PTPRG: variants seen among roughly 807,000 people sequenced by gnomAD.
PTPRG encodes the protein protein tyrosine phosphatase receptor type G, also known as receptor-type tyrosine-protein phosphatase gamma.
A neutral mutation model predicts 165.3 loss-of-function variants in PTPRG; 102 were observed. That is an observed-to-expected ratio of 0.62 (90% CI 0.53 to 0.73). The LOEUF (loss-of-function observed/expected upper bound fraction) is 0.73, where lower values mean the gene tolerates loss of function less well. PTPRG is among the 30% of genes least tolerant of loss of function. The pLI, the probability that PTPRG is intolerant of heterozygous loss-of-function variation, is 0.00. For synonymous variants in PTPRG, 675 were observed against 669.5 expected (o/e 1.01, Z -0.13); for missense variants, 1,866 against 1,861.4 (o/e 1.00, Z -0.05).
chr3:62,281,660 C>G lies in PTPRG; in HGVS notation c.3863C>G (p.Ser1288Cys). Reference protein sequence around the residue: ...TLISKDRLCLSNEEQIIIHDF... With the variant: ...TLISKDRLCLCNEEQIIIHDF... Reference sequence around the variant, plus strand: ...ATCAGCAAAGACAGACTGTGCCTCTCTAATGAAGAACAAATTATCATCCAT... The same window carrying G: ...ATCAGCAAAGACAGACTGTGCCTCTGTAATGAAGAACAAATTATCATCCAT... The change falls in exon 27 of 30, where the codon TCT becomes TGT. Residue 1288 changes from serine to cysteine, a missense_variant. Coordinates refer to ENST00000474889, the MANE Select transcript of PTPRG (RefSeq NM_002841.4). The G allele has an allele frequency of 1.2e-6, 2 of 1,609,688 alleles. No homozygotes were observed. The highest frequency in any genetic ancestry group is 1.7e-6 in the Non-Finnish European group (2 of 1,177,936).
intron 4 of PTPRG, among the ~76,000 whole-genome samples, chr3:62,073,792 A>G (rs968776068): frequency 1.3e-5 from 2 of 152,158 alleles, no homozygotes; most frequent in Non-Finnish European, 2.9e-5. Flanking sequence ...ACAAACCTCA[A>G]TTCTATGAAA....
intron 2 of PTPRG, among the ~76,000 whole-genome samples, chr3:61,817,913 G>A (rs975208979): frequency 6.6e-6 from 1 of 152,042 alleles, no homozygotes; most frequent in African/African-American, 2.4e-5. Context: ...AGAACTGCTG[G>A]GGGTAGAAGT....
chr3:61,620,704 C>T (rs1701425209), intron 1 of PTPRG, among the ~76,000 whole-genome samples: 1 of 152,044 alleles, frequency 6.6e-6, no homozygotes, highest in Non-Finnish European at 1.5e-5. Context: ...TTTTGGCTCA[C>T]TGCAACCTCC....
chr3:62,147,432 TG>T lies in PTPRG; in HGVS notation c.683-9634del, dbSNP rs542410115. 1.4e-3 allele frequency among the ~76,000 whole-genome samples: 219 copies of T among 152,320 alleles called. No individual in the cohort carries two copies. In the Middle Eastern group the frequency reaches 0.017, roughly 12 times the overall value. ...TCAGAAAGTTGACGGGGCCCTTTGC[TG>T]TGAGTCCTACTGAATAATGTCAGTA... On this transcript the variant is annotated intron_variant, in intron 6 of 29. Transcript: ENST00000474889.
intron 2 of PTPRG, among the ~76,000 whole-genome samples, chr3:61,791,875 C>G (rs1299175810): frequency 2.0e-5 from 3 of 152,228 alleles, no homozygotes; most frequent in African/African-American, 7.2e-5. Flanking sequence ...AAGGTCCTTT[C>G]TTGCCTTCAG....
chr3:61,887,901 A>G (rs1338673888), intron 2 of PTPRG, among the ~76,000 whole-genome samples: 1 of 152,158 alleles, frequency 6.6e-6, no homozygotes, highest in Non-Finnish European at 1.5e-5. Flanking sequence ...CTTAAAATCT[A>G]ATTTTTCACA....
chr3:62,151,554 C>T (rs1704337751), intron 6 of PTPRG, among the ~76,000 whole-genome samples: 1 of 151,058 alleles, frequency 6.6e-6, no homozygotes, highest in Non-Finnish European at 1.5e-5. Context: ...ATAATATTGT[C>T]TGCATACAGC....
chr3:61,946,133 C>T (rs2039755638), intron 2 of PTPRG, among the ~76,000 whole-genome samples: 1 of 152,142 alleles, frequency 6.6e-6, no homozygotes, highest in Non-Finnish European at 1.5e-5. Flanking sequence ...ATATTATTAA[C>T]ACACAGCTGG....
intron 8 of PTPRG, among the ~76,000 whole-genome samples, chr3:62,170,856 A>G (rs1705189055): frequency 6.6e-6 from 1 of 152,178 alleles, no homozygotes; most frequent in Non-Finnish European, 1.5e-5. Context: ...ATGAATTTTC[A>G]CAACCTGAGC....
intron 8 of PTPRG, among the ~76,000 whole-genome samples, chr3:62,183,518 T>C (rs752777659): frequency 1.3e-5 from 2 of 149,780 alleles, no homozygotes; most frequent in Non-Finnish European, 3.0e-5. Flanking sequence ...GAGCCAAGAT[T>C]ACACCACTGC....
At position 61,939,928 on chromosome 3, in the gene PTPRG, C is replaced by CTTTTTTTTTTTT. The variant is rs561334410; in HGVS notation, c.191-49672_191-49661dup. On this transcript the variant is annotated intron_variant, in intron 2 of 29. Coordinates refer to ENST00000474889, the MANE Select transcript of PTPRG (RefSeq NM_002841.4). ...TGTCTTGGCTTCCTTACTGACTTGT[C>CTTTTTTTTTTTT]TTTTTTTTTTTTTTTTTTTTTTTTT... Among the ~76,000 whole-genome samples the CTTTTTTTTTTTT allele has an allele frequency of 8.7e-4, 34 of 39,144 alleles. 11 individuals are homozygous for CTTTTTTTTTTTT. Among genetic ancestry groups the CTTTTTTTTTTTT allele is most frequent in the Non-Finnish European group, 7.8e-4 (17 of 21,768 alleles). 25.7% of individuals were successfully genotyped at this position (39,144 alleles called of 152,430 possible).
chr3:62,029,274 G>A (rs1336057870), intron 4 of PTPRG, among the ~76,000 whole-genome samples: 1 of 152,096 alleles, frequency 6.6e-6, no homozygotes, highest in Non-Finnish European at 1.5e-5. Context: ...ACACAGGTCC[G>A]AGTTAGAGTC....
intron 12 of PTPRG, among the ~76,000 whole-genome samples, chr3:62,218,143 C>T (rs925398248): frequency 6.6e-6 from 1 of 152,100 alleles, no homozygotes; most frequent in Non-Finnish European, 1.5e-5. Context: ...GGTGCTCCTG[C>T]TGGGATGTGC....
intron 1 of PTPRG, among the ~76,000 whole-genome samples, chr3:61,659,962 C>T (rs1331174173): frequency 6.6e-6 from 1 of 152,090 alleles, no homozygotes; most frequent in Non-Finnish European, 1.5e-5. Flanking sequence ...CGCGGTGGCT[C>T]ACACCTGTAA....
chr3:61,866,716 C>G (rs568026123), intron 2 of PTPRG, among the ~76,000 whole-genome samples: 8 of 149,380 alleles, frequency 5.4e-5, no homozygotes, highest in African/African-American at 1.7e-4. Flanking sequence ...CTCCTGCCTC[C>G]GCCTCTGGAG....
intron 5 of PTPRG, among the ~76,000 whole-genome samples, chr3:62,105,908 C>G (rs928730301): frequency 1.3e-5 from 2 of 152,138 alleles, no homozygotes; most frequent in African/African-American, 4.8e-5. Context: ...GCCTAGGGAA[C>G]AACAATGAAT....
intron 4 of PTPRG, among the ~76,000 whole-genome samples, chr3:62,053,518 C>T (rs942505886): frequency 6.6e-6 from 1 of 152,152 alleles, no homozygotes; most frequent in Non-Finnish European, 1.5e-5. Context: ...CCACCCACCT[C>T]GGCCTCCCAA....
At chr3:62,261,713 C>T (rs1204011741) in intron 16 of PTPRG, 1 of 151,054 alleles carries the variant, frequency 6.6e-6, no homozygotes, top group Non-Finnish European at 1.5e-5. Context: ...CACAGAAATT[C>T]TTTGCTTTTA....
chr3:61,889,623 G>A (rs536565391), intron 2 of PTPRG, among the ~76,000 whole-genome samples: 17 of 152,248 alleles, frequency 1.1e-4, no homozygotes, highest in African/African-American at 2.6e-4. Context: ...TGCTTGAGTC[G>A]TTAGCTCATT....
Sources: allele counts gnomAD v4.1 joint callset (sites outside exome capture counted in the v4.1 genomes callset), GRCh38; gene constraint gnomAD v4.1.1; transcripts MANE v1.5; gene names NCBI Gene and HGNC (gene_info 2026-07-23, HGNC 2026-07-21).